The following PRMT8 variants were observed in gnomAD, a reference collection of about 807,000 sequenced individuals.
PRMT8 encodes protein arginine N-methyltransferase 8.
PRMT8 carries 7 observed loss-of-function variants against 47.1 expected under a neutral mutation model. The observed-to-expected ratio is 0.15, with a 90% CI of 0.08 to 0.28. PRMT8 has a LOEUF of 0.28. PRMT8 is among the 10% of genes least tolerant of loss of function. The pLI is 1.00. For missense variants in PRMT8, 237 were observed against 505.4 expected (o/e 0.47, Z 5.09); for synonymous variants, 188 against 186.5 (o/e 1.01, Z -0.07).
At chr12:3,397,450 G>A (rs560441007) in intron 1 of PRMT8, among the ~76,000 whole-genome samples, 35 of 150,604 alleles carry the variant, frequency 2.3e-4, no homozygotes, top group East Asian at 1.6e-3. Context: ...TCAGCTGCAG[G>A]TCTGTTGGAG....
chr12:3,535,667 G>T lies in PRMT8; in HGVS notation c.76-4939G>T, dbSNP rs1345025722. Reference sequence around the variant, plus strand: ...AGAGCAGGCAGGGCCAGACCTCCAGGGTGATGTGGGCACAGGAACCCTGGA... The same window carrying T: ...AGAGCAGGCAGGGCCAGACCTCCAGTGTGATGTGGGCACAGGAACCCTGGA... On this transcript the variant is annotated intron_variant, in intron 1 of 9. Transcript: ENST00000382622. The surrounding 1 kb of genome is among the most constrained non-coding windows in gnomAD (Gnocchi z 4.7). Among the ~76,000 whole-genome samples, 2 of 152,216 alleles carry T rather than the reference G, an allele frequency of 1.3e-5. No individual in the cohort carries two copies. Among genetic ancestry groups the T allele is most frequent in the Non-Finnish European group, 2.9e-5 (2 of 68,042 alleles).
chr12:3,576,116 GTATCT>G lies in PRMT8; in HGVS notation c.713-751_713-747del, dbSNP rs1395055143. Among the ~76,000 whole-genome samples the G allele has an allele frequency of 2.6e-5, 4 of 152,326 alleles. No individual in the cohort carries two copies. Among genetic ancestry groups the G allele is most frequent in the African/African-American group, 9.6e-5 (4 of 41,568 alleles). ...TAGATCTTTCTCCCTCCCATACAAA[GTATCT>G]TATGAGTAGCCCAAAGGGGACAAGG... On this transcript the variant is annotated intron_variant, in intron 6 of 9. Coordinates refer to ENST00000382622, the MANE Select transcript of PRMT8 (RefSeq NM_019854.5). The surrounding 1 kb of genome is among the most constrained non-coding windows in gnomAD (Gnocchi z 4.0).
intron 8 of PRMT8, among the ~76,000 whole-genome samples, chr12:3,585,325 A>C (rs934714939): frequency 1.4e-5 from 2 of 147,582 alleles, no homozygotes; most frequent in African/African-American, 5.0e-5. Flanking sequence ...TTACTTCCAG[A>C]AGCCATGAAG....
chr12:3,541,034 A>G (rs1344528886), intron 2 of PRMT8, among the ~76,000 whole-genome samples: 1 of 152,182 alleles, frequency 6.6e-6, no homozygotes, highest in East Asian at 1.9e-4. Flanking sequence ...AGAGCACACA[A>G]GGTGCTTACG....
At chr12:3,408,172 TTTCC>T (rs545298976) in intron 1 of PRMT8, among the ~76,000 whole-genome samples, 1 of 151,096 alleles carries the variant, frequency 6.6e-6, no homozygotes, top group Non-Finnish European at 1.5e-5. Flanking sequence ...TCTTTCTTTC[TTTCC>T]TTCCTTCCTT....
chr12:3,520,002 A>G (rs1017919830), intron 1 of PRMT8, among the ~76,000 whole-genome samples: 1 of 152,212 alleles, frequency 6.6e-6, no homozygotes, highest in Non-Finnish European at 1.5e-5. Flanking sequence ...CCACTTTGCC[A>G]TCTCTGAAAT....
chr12:3,457,869 G>C, intron 1 of PRMT8, among the ~76,000 whole-genome samples: 1 of 66,890 alleles, frequency 1.5e-5, no homozygotes, highest in East Asian at 4.6e-4. Context: ...TTTTTTTTAA[G>C]ACAGCGTTCT....
chr12:3,517,950 A>G (rs538802777), intron 1 of PRMT8, among the ~76,000 whole-genome samples: 27 of 152,088 alleles, frequency 1.8e-4, no homozygotes, highest in Admixed American at 9.2e-4. Context: ...TTAATTTTCT[A>G]TGTGAATAAT....
intron 1 of PRMT8, chr12:3,463,320 C>T (rs944112146): frequency 6.6e-6 from 1 of 152,194 alleles, no homozygotes; most frequent in African/African-American, 2.4e-5. Context: ...AAAGTATACA[C>T]ATCCAGACCT....
At chr12:3,568,672 T>C (rs769539438) in intron 4 of PRMT8, 34 bp from the exon 5 acceptor site, 1 of 1,613,580 alleles carries the variant, frequency 6.2e-7, no homozygotes, top group Non-Finnish European at 8.5e-7. Context: ...GTGGGGTCCC[T>C]GCAAAGTATG....
At chr12:3,427,477 C>A (rs1478222814) in intron 1 of PRMT8, among the ~76,000 whole-genome samples, 3 of 152,080 alleles carry the variant, frequency 2.0e-5, no homozygotes, top group African/African-American at 7.2e-5. Flanking sequence ...CTTGCTTAAA[C>A]CTTCAAAACA....
At chr12:3,489,807 TCACA>T (rs59257723), upstream of PRMT8, among the ~76,000 whole-genome samples, 40,983 of 143,958 alleles carry the variant, frequency 0.28, 5,965 homozygotes, top group Non-Finnish European at 0.34. Flanking sequence ...ATTCAAGTTT[TCACA>T]CACACACACA....
intron 1 of PRMT8, among the ~76,000 whole-genome samples, chr12:3,474,621 C>T (rs995510654): frequency 2.0e-5 from 3 of 152,106 alleles, no homozygotes; most frequent in Non-Finnish European, 4.4e-5. Context: ...GCTTGACTAA[C>T]CCCTCACAGT....
intron 1 of PRMT8, among the ~76,000 whole-genome samples, chr12:3,421,633 G>C (rs754419046): frequency 3.9e-5 from 6 of 152,210 alleles, no homozygotes; most frequent in Non-Finnish European, 8.8e-5. Context: ...AGCCTGATAT[G>C]TGTCCCTGGG....
Position 3,583,312 on chromosome 12 carries a change from T to C in PRMT8, c.979+104T>C. The C allele has an allele frequency of 7.5e-7, 1 of 1,326,422 alleles. No individual in the cohort carries two copies. The allele number at this position is 1,326,422 out of a possible 1,614,324, so 82.2% of individuals were successfully genotyped here. A position where few individuals can be genotyped will look rare whatever the true frequency, so the allele number is the denominator to read the frequency against. On this transcript the variant is annotated intron_variant, in intron 8 of 9. Transcript: ENST00000382622. This position sits in a 1 kb window ranked among gnomAD's most constrained non-coding sequence, Gnocchi z 4.7. ...CTTGACTTGGGGAGAAGGGGCTGGG[T>C]GTTAGCTGGGTGACACCTATCAACC...
At chr12:3,554,324 C>T (rs1170471166) in intron 4 of PRMT8, among the ~76,000 whole-genome samples, 2 of 152,180 alleles carry the variant, frequency 1.3e-5, no homozygotes, top group African/African-American at 2.4e-5. Flanking sequence ...GAAACAGACC[C>T]GCAAGGGTCC....
intron 1 of PRMT8, among the ~76,000 whole-genome samples, chr12:3,460,541 G>A (rs924686970): frequency 2.0e-5 from 3 of 152,180 alleles, no homozygotes; most frequent in Admixed American, 6.5e-5. Context: ...GGAGGTTTGC[G>A]GGAGGAAGAG....
At chr12:3,511,154 C>T (rs1442971088) in intron 1 of PRMT8, among the ~76,000 whole-genome samples, 1 of 152,162 alleles carries the variant, frequency 6.6e-6, no homozygotes, top group African/African-American at 2.4e-5. Context: ...CTGTTATAAC[C>T]TTGCTCTCTC....
intron 1 of PRMT8, among the ~76,000 whole-genome samples, chr12:3,400,997 A>G (rs1176682415): frequency 1.3e-5 from 2 of 152,050 alleles, no homozygotes; most frequent in South Asian, 4.2e-4. Context: ...TACAAAAAAA[A>G]TTAGCTGGGC....
Sources: gnomAD v4.1 joint callset for allele counts (sites outside exome capture counted in the v4.1 genomes callset) on GRCh38, gnomAD v4.1.1 for gene constraint, Gnocchi (gnomAD v3.1) non-coding constraint, MANE v1.5 for transcripts, NCBI Gene and HGNC (gene_info 2026-07-23, HGNC 2026-07-21) for gene names.